The following RBFOX1 variants were observed in gnomAD, a reference collection of about 807,000 sequenced individuals.
RBFOX1 encodes RNA binding fox-1 homolog 1.
A neutral mutation model predicts 57.7 loss-of-function variants in RBFOX1; 8 were observed. The ratio of observed to expected loss-of-function variants is 0.14; its 90% confidence interval spans 0.08 to 0.25. The LOEUF is 0.25. Ranked by LOEUF, RBFOX1 falls within the 10% of genes least tolerant of loss-of-function variation. The pLI, the probability that RBFOX1 is intolerant of heterozygous loss-of-function variation, is 1.00. For missense variants in RBFOX1, 611 were observed against 548.5 expected (o/e 1.11, Z -1.14); for synonymous variants, 326 against 222.4 (o/e 1.47, Z -4.15).
At chr16:6,702,453 C>G (rs1476883839) in intron 3 of RBFOX1, among the ~76,000 whole-genome samples, 1 of 152,034 alleles carries the variant, frequency 6.6e-6, no homozygotes. Context: ...ACTTGGGAGG[C>G]TGAGGCAGGA....
intron 2 of RBFOX1, among the ~76,000 whole-genome samples, chr16:6,453,641 C>A (rs563544046): frequency 6.6e-6 from 1 of 152,086 alleles, no homozygotes; most frequent in African/African-American, 2.4e-5. Context: ...GAAACTATTT[C>A]CAAACAATAG....
chr16:6,717,921 G>C (rs763582888), intron 3 of RBFOX1, among the ~76,000 whole-genome samples: 1 of 152,208 alleles, frequency 6.6e-6, no homozygotes, highest in Admixed American at 6.5e-5. Flanking sequence ...CTGGGATAAA[G>C]CTTCAGTTCC....
intron 2 of RBFOX1, among the ~76,000 whole-genome samples, chr16:6,320,711 G>A (rs2081667091): frequency 6.6e-6 from 1 of 152,046 alleles, no homozygotes; most frequent in South Asian, 2.1e-4. Flanking sequence ...GTGAACGCTT[G>A]AAATGTGACT....
intron 3 of RBFOX1, among the ~76,000 whole-genome samples, chr16:6,937,623 C>A (rs1436840421): frequency 1.3e-5 from 2 of 151,944 alleles, no homozygotes; most frequent in African/African-American, 4.8e-5. Flanking sequence ...TACATTGGTT[C>A]GGTCTGGAAA....
intron 4 of RBFOX1, among the ~76,000 whole-genome samples, chr16:7,207,599 T>C (rs551843018): frequency 9.2e-5 from 14 of 152,326 alleles, no homozygotes; most frequent in African/African-American, 3.4e-4. Context: ...ATGGAAACTA[T>C]GACAGCAAAA....
intron 4 of RBFOX1, among the ~76,000 whole-genome samples, chr16:5,952,462 T>C (rs899795306): frequency 1.3e-5 from 2 of 152,148 alleles, no homozygotes; most frequent in Non-Finnish European, 2.9e-5. Context: ...ATTTTTGGTA[T>C]TTTTAATAGA....
chr16:7,536,598 AAAT>A (rs1258712792), intron 5 of RBFOX1, among the ~76,000 whole-genome samples: 9 of 152,302 alleles, frequency 5.9e-5, no homozygotes, highest in East Asian at 1.9e-4. Flanking sequence ...CGTCTCAAAA[AAAT>A]AATAATAATT....
chr16:7,246,942 G>T (rs1224669778), intron 4 of RBFOX1, among the ~76,000 whole-genome samples: 1 of 152,126 alleles, frequency 6.6e-6, no homozygotes, highest in African/African-American at 2.4e-5. Flanking sequence ...CGACAGGGAT[G>T]AGAACAGTGT....
At chr16:5,957,260 G>C (rs951949732) in intron 4 of RBFOX1, among the ~76,000 whole-genome samples, 1 of 151,984 alleles carries the variant, frequency 6.6e-6, no homozygotes, top group Admixed American at 6.6e-5. Flanking sequence ...TGTTGCCCAG[G>C]CTGGAGTGCA....
intron 3 of RBFOX1, among the ~76,000 whole-genome samples, chr16:6,874,272 G>T (rs762912163): frequency 6.6e-6 from 1 of 152,084 alleles, no homozygotes; most frequent in Non-Finnish European, 1.5e-5. Context: ...CACTTCGGGA[G>T]GCTGAGGCAG....
intron 1 of RBFOX1, among the ~76,000 whole-genome samples, chr16:6,291,998 G>A (rs2077518640): frequency 6.6e-6 from 1 of 151,970 alleles, no homozygotes. Flanking sequence ...TGTAGTTTGG[G>A]TCTGTGTTGT....
intron 1 of RBFOX1, among the ~76,000 whole-genome samples, chr16:6,296,384 T>G (rs1599322090): frequency 1.3e-5 from 2 of 152,012 alleles, no homozygotes; most frequent in East Asian, 3.9e-4. Flanking sequence ...CAGTTTCACC[T>G]CATAGGTGGC....
chr16:6,146,987 A>G (rs1366010324), intron 1 of RBFOX1, among the ~76,000 whole-genome samples: 2 of 152,116 alleles, frequency 1.3e-5, no homozygotes, highest in African/African-American at 4.8e-5. Context: ...CTGGTCGTGC[A>G]TTAAAGCTTC....
chr16:5,651,349 A>C (rs902972988), intron 3 of RBFOX1, among the ~76,000 whole-genome samples: 6 of 151,986 alleles, frequency 3.9e-5, no homozygotes, highest in African/African-American at 1.4e-4. Context: ...CACCATGCCC[A>C]GCCGGAATCC....
intron 2 of RBFOX1, among the ~76,000 whole-genome samples, chr16:6,637,986 T>G (rs928150635): frequency 6.6e-6 from 1 of 152,100 alleles, no homozygotes; most frequent in African/African-American, 2.4e-5. Flanking sequence ...ACCCAACATT[T>G]AGTTTTTTAT....
intron 4 of RBFOX1, among the ~76,000 whole-genome samples, chr16:7,378,351 T>A (rs940294220): frequency 4.6e-5 from 7 of 151,920 alleles, no homozygotes; most frequent in African/African-American, 1.5e-4. Context: ...GGATTGAGAG[T>A]ATGTGTTTGC....
In RBFOX1 at chr16:7,711,799, G is replaced by A. The variant is rs539128407; in HGVS notation, c.*1054G>A. The stretch of plus-strand genomic sequence containing the variant: ...ATGGAATTACATGATAATCATATTC[G>A]GATTTATAGAAGCATTTTACAAGTA... On this transcript the variant is annotated 3_prime_UTR_variant, in exon 16 of 16. Transcript: ENST00000550418. The A allele has an allele frequency of 1.8e-4, 28 of 152,572 alleles. No individual in the cohort carries two copies. The highest frequency in any genetic ancestry group is 1.2e-3 in the East Asian group (6 of 5,166). 9.5% of individuals were successfully genotyped at this position (152,572 alleles called of 1,614,324 possible). A position where few individuals can be genotyped will look rare whatever the true frequency, so the allele number is the denominator to read the frequency against.
intron 1 of RBFOX1, among the ~76,000 whole-genome samples, chr16:6,191,090 TAGAC>T (rs1275512536): frequency 2.0e-5 from 3 of 151,534 alleles, no homozygotes; most frequent in African/African-American, 7.3e-5. Context: ...AAGCATCTTC[TAGAC>T]AGACAGCTTG....
chr16:6,174,112 C>G (rs1037254049), intron 1 of RBFOX1, among the ~76,000 whole-genome samples: 2 of 152,152 alleles, frequency 1.3e-5, no homozygotes, highest in African/African-American at 2.4e-5. Flanking sequence ...TAACAGGTTA[C>G]TGGAGCTGTC....
Sources: gnomAD v4.1 joint callset for allele counts (sites outside exome capture counted in the v4.1 genomes callset) on GRCh38, gnomAD v4.1.1 for gene constraint, MANE v1.5 for transcripts, NCBI Gene and HGNC (gene_info 2026-07-23, HGNC 2026-07-21) for gene names.